Variants in POU4F1 observed in about 807,000 individuals in gnomAD.
POU4F1 encodes POU domain, class 4, transcription factor 1.
Under a neutral mutation model 19.8 loss-of-function variants are expected in POU4F1, and 5 were observed. The observed-to-expected ratio is 0.25, with a 90% CI of 0.13 to 0.53. The LOEUF (loss-of-function observed/expected upper bound fraction) is 0.53. Ranked by LOEUF, POU4F1 falls within the 20% of genes least tolerant of loss-of-function variation. The pLI is 0.96. For missense variants in POU4F1, 408 were observed against 511.6 expected, an observed-to-expected ratio of 0.80 and a Z score of 1.95; for synonymous variants, 266 against 247.7, an observed-to-expected ratio of 1.07 and a Z score of -0.69.
chr13:78,601,621 C>G lies in POU4F1; in HGVS notation c.1054G>C (p.Gly352Arg). 1 of 1,613,794 alleles carries G rather than the reference C, an allele frequency of 6.2e-7. No individual in the cohort carries two copies. The highest frequency in any genetic ancestry group is 8.5e-7 in the Non-Finnish European group (1 of 1,180,000). Residue 352 changes from glycine (G) to arginine (R), a missense_variant, in exon 2 of 2, where the codon GGC (glycine) becomes CGC (arginine). Around this residue, in one of 4 missense-constraint regions of POU4F1, gnomAD observed 39 missense variants for 36.8 expected, o/e 1.06. Transcript: ENST00000377208. ...GTCCGCTTGCGCTTCTTCTCGCCGCCGTTGAAGAGCTCAGGCTTGTTCATT... is the reference window on the plus strand; with the variant it reads ...GTCCGCTTGCGCTTCTTCTCGCCGCGGTTGAAGAGCTCAGGCTTGTTCATT... ...EKMNKPELFN[G>R]GEKKRKRTSI...
Position 78,601,379 on chromosome 13 carries a change from T to TC in POU4F1, c.*35dup. The TC allele has an allele frequency of 1.2e-6, 2 of 1,612,028 alleles. No individual in the cohort carries two copies. Among genetic ancestry groups the TC allele is most frequent in the South Asian group, 2.2e-5 (2 of 91,002 alleles). ...AGCCCCCCAAAAATGCCTCCTCAGCTCCCCATTCTGTCCCGCCCGACACCT... is the reference window on the plus strand; with the variant it reads ...AGCCCCCCAAAAATGCCTCCTCAGCTCCCCCATTCTGTCCCGCCCGACACCT... On this transcript the variant is annotated 3_prime_UTR_variant, in exon 2 of 2. Transcript: ENST00000377208.
Position 78,602,457 on chromosome 13 carries a change from C to T in POU4F1, c.218G>A (p.Ser73Asn). ...AVDIAVSQGK[S>N]HPFKPDATYH... The stretch of plus-strand genomic sequence containing the variant: ...CGTGGCGTCCGGCTTGAAAGGATGG[C>T]TCTTGCCCTGGGACACGGCGATGTC... Residue 73 changes from serine (S) to asparagine (N), a missense_variant, in exon 2 of 2, where the codon AGC becomes AAC. Ser to Asn is a conservative substitution (Grantham distance 46, BLOSUM62 1). Transcript: ENST00000377208. The T allele has an allele frequency of 6.2e-7, 1 of 1,601,522 alleles. No individual in the cohort carries two copies. Among genetic ancestry groups the T allele is most frequent in the South Asian group, 1.1e-5 (1 of 88,554 alleles).
At position 78,599,422 on chromosome 13, in the gene POU4F1, C is replaced by CT. The variant is rs923340602; in HGVS notation, c.*1992dup. The CT allele has an allele frequency of 6.6e-6, 1 of 152,546 alleles. No individual in the cohort carries two copies. Among genetic ancestry groups the CT allele is most frequent in the Non-Finnish European group, 1.5e-5 (1 of 68,014 alleles). 9.4% of individuals were successfully genotyped at this position (152,546 alleles called of 1,614,324 possible). A position where few individuals can be genotyped will look rare whatever the true frequency, so the allele number is the denominator to read the frequency against. Reference sequence around the variant, plus strand: ...CATTAAATAAAATATTTACAATAATCTTTTTTCCTTTTTCTTTGAATACAA... The same window carrying CT: ...CATTAAATAAAATATTTACAATAATCTTTTTTTCCTTTTTCTTTGAATACAA... On this transcript the variant is annotated 3_prime_UTR_variant, in exon 2 of 2. Coordinates refer to ENST00000377208, the MANE Select transcript of POU4F1 (RefSeq NM_006237.4).
At position 78,603,208 on chromosome 13, in the gene POU4F1, G is replaced by A. The variant is rs1377438959; in HGVS notation, c.119C>T (p.Pro40Leu). 1.3e-6 allele frequency: 2 copies of A among 1,541,222 alleles called. No individual in the cohort carries two copies. Among genetic ancestry groups the A allele is most frequent in the Non-Finnish European group, 8.7e-7 (1 of 1,145,130 alleles). ...CCGCGGGCGTGGGGCGCTTACCGGC[G>A]GCGTGGGCAGGCAGGCCCGCCGGAT... is the stretch of plus-strand genomic sequence containing the variant. ...EAIRRACLPTPPLQSNLFASL... is the reference protein window; with the variant it reads ...EAIRRACLPTLPLQSNLFASL... The change falls in exon 1 of 2, where the codon CCG (proline) becomes CTG (leucine). Residue 40 changes from proline to leucine, a missense_variant. Transcript: ENST00000377208.
At position 78,599,342 on chromosome 13, in the gene POU4F1, C is replaced by G. The variant is rs941990385; in HGVS notation, c.*2073G>C. 6.6e-6 allele frequency: 1 copy of G among 152,566 alleles called. No homozygotes were observed. The highest frequency in any genetic ancestry group is 1.5e-5 in the Non-Finnish European group (1 of 68,048). The allele number at this position is 152,566 out of a possible 1,614,324, so 9.5% of individuals were successfully genotyped here. ...ACATACATGGACAGGTAGATCAATC[C>G]GTGAGACATTTCAGGATGAACACTG... On this transcript the variant is annotated 3_prime_UTR_variant, in exon 2 of 2. Transcript: ENST00000377208.
At position 78,601,369 on chromosome 13, in the gene POU4F1, C is replaced by T; in HGVS notation, c.*46G>A. 1 of 1,608,662 alleles carries T rather than the reference C, an allele frequency of 6.2e-7. No individual in the cohort carries two copies. Among genetic ancestry groups the T allele is most frequent in the East Asian group, 2.2e-5 (1 of 44,780 alleles). On this transcript the variant is annotated 3_prime_UTR_variant, in exon 2 of 2. Coordinates refer to ENST00000377208, the MANE Select transcript of POU4F1 (RefSeq NM_006237.4). Reference sequence around the variant, plus strand: ...AGCAGAGGAAAGCCCCCCAAAAATGCCTCCTCAGCTCCCCATTCTGTCCCG... The same window carrying T: ...AGCAGAGGAAAGCCCCCCAAAAATGTCTCCTCAGCTCCCCATTCTGTCCCG...
At position 78,603,485 on chromosome 13, in the gene POU4F1, C is replaced by A; in HGVS notation, c.-159G>T. The A allele has an allele frequency of 1.7e-6, 2 of 1,178,412 alleles. No homozygotes were observed. Among genetic ancestry groups the A allele is most frequent in the South Asian group, 3.0e-5 (1 of 33,772 alleles). 73.0% of individuals were successfully genotyped at this position (1,178,412 alleles called of 1,614,324 possible). ...CTGCTGCTGCTGCTCCTGCTGCTGC[C>A]AGGCGCTCCCTCTGACCGCGCAGAG... On this transcript the variant is annotated 5_prime_UTR_variant, in exon 1 of 2. Transcript: ENST00000377208.
Position 78,601,204 on chromosome 13 carries a change from C to A in POU4F1, c.*211G>T. ...CTTCTCCCCTACCCTATACTCCAAT[C>A]CCCACACCCAGCACCCCAGTCCTCA... On this transcript the variant is annotated 3_prime_UTR_variant, in exon 2 of 2. Transcript: ENST00000377208. 1 of 459,178 alleles carries A rather than the reference C, an allele frequency of 2.2e-6. No individual in the cohort carries two copies. The highest frequency in any genetic ancestry group is 3.6e-6 in the Non-Finnish European group (1 of 278,826). The allele number at this position is 459,178 out of a possible 1,614,324, so 28.4% of individuals were successfully genotyped here.
chr13:78,600,250 A>G lies in POU4F1; in HGVS notation c.*1165T>C, dbSNP rs1359996686. 1.3e-5 allele frequency: 2 copies of G among 152,126 alleles called. No individual in the cohort carries two copies. Among genetic ancestry groups the G allele is most frequent in the East Asian group, 3.8e-4 (2 of 5,198 alleles). The allele number at this position is 152,126 out of a possible 1,614,324, so 9.4% of individuals were successfully genotyped here. A position where few individuals can be genotyped will look rare whatever the true frequency, so the allele number is the denominator to read the frequency against. ...AACAGGAGAGAGTATCTCTCCTAAT[A>G]ACTTTCACCCCATTAGTCTATTTGA... On this transcript the variant is annotated 3_prime_UTR_variant, in exon 2 of 2. Transcript: ENST00000377208.
Position 78,601,605 on chromosome 13 carries a change from C to T in POU4F1, c.1070G>A (p.Arg357His). ...GGGCGCGGCGATGGAAGTCCGCTTG[C>T]GCTTCTTCTCGCCGCCGTTGAAGAG... Reference protein sequence around the residue: ...PELFNGGEKKRKRTSIAAPEK... With the variant: ...PELFNGGEKKHKRTSIAAPEK... The change falls in exon 2 of 2, where the codon CGC becomes CAC. Residue 357 changes from arginine to histidine, a missense_variant. Transcript: ENST00000377208. 1 of 1,613,770 alleles carries T rather than the reference C, an allele frequency of 6.2e-7. No homozygotes were observed. The highest frequency in any genetic ancestry group is 8.5e-7 in the Non-Finnish European group (1 of 1,180,012).
At chr13:78,602,836 G>C (rs1874769573) in intron 1 of POU4F1, among the ~76,000 whole-genome samples, 1 of 152,022 alleles carries the variant, frequency 6.6e-6, no homozygotes, top group Non-Finnish European at 1.5e-5. Context: ...GGGCGTGGGA[G>C]ACGAAAAAGA....
At chr13:78,602,684 G>C in intron 1 of POU4F1, 133 bp from the exon 2 acceptor site, 1 of 1,042,882 alleles carries the variant, frequency 9.6e-7, no homozygotes, top group South Asian at 2.6e-5. Context: ...AAATAACAAC[G>C]GGTTTGGGGG....
At position 78,601,060 on chromosome 13, in the gene POU4F1, T is replaced by C; in HGVS notation, c.*355A>G. 3.2e-6 allele frequency: 1 copy of C among 311,852 alleles called. No individual in the cohort carries two copies. The highest frequency in any genetic ancestry group is 6.0e-6 in the Non-Finnish European group (1 of 166,962). 19.3% of individuals were successfully genotyped at this position (311,852 alleles called of 1,614,324 possible). On this transcript the variant is annotated 3_prime_UTR_variant, in exon 2 of 2. Transcript: ENST00000377208. ...TGTCTCTGGTCAGAAACAGTCCATT[T>C]TCCTACCCTTCCCGCGTCTCCCCCC...
At position 78,603,430 on chromosome 13, in the gene POU4F1, CGCGGCGGCTG is replaced by C. The variant is rs1483141664; in HGVS notation, c.-114_-105del. ...CTTCGGAGGCTGCAGCCGCGGCGGT[CGCGGCGGCTG>C]GCGGCGGCCCCGCCGCGGGCTGCTG... On this transcript the variant is annotated 5_prime_UTR_variant, in exon 1 of 2. Coordinates refer to ENST00000377208, the MANE Select transcript of POU4F1 (RefSeq NM_006237.4). 8 of 1,393,570 alleles carry C rather than the reference CGCGGCGGCTG, an allele frequency of 5.7e-6. No individual in the cohort carries two copies. The highest frequency in any genetic ancestry group is 6.5e-6 in the Non-Finnish European group (7 of 1,070,746). 86.3% of individuals were successfully genotyped at this position (1,393,570 alleles called of 1,614,324 possible). A position where few individuals can be genotyped will look rare whatever the true frequency, so the allele number is the denominator to read the frequency against.
At position 78,601,031 on chromosome 13, in the gene POU4F1, TAA is replaced by T. The variant is rs996769272; in HGVS notation, c.*382_*383del. 2.1e-4 allele frequency: 48 copies of T among 223,578 alleles called. No homozygotes were observed. The highest frequency in any genetic ancestry group is 1.3e-3 in the Admixed American group (26 of 19,512). The allele number at this position is 223,578 out of a possible 1,614,324, so 13.8% of individuals were successfully genotyped here. ...TTCCTTGGTCCCCAGGATATTTAGG[TAA>T]GTGTCTCTGGTCAGAAACAGTCCAT... is the stretch of plus-strand genomic sequence containing the variant. On this transcript the variant is annotated 3_prime_UTR_variant, in exon 2 of 2. Transcript: ENST00000377208.
At position 78,602,336 on chromosome 13, in the gene POU4F1, G is replaced by C. The variant is rs1436159457; in HGVS notation, c.339C>G (p.Pro113=). 1 of 1,443,604 alleles carries C rather than the reference G, an allele frequency of 6.9e-7. No individual in the cohort carries two copies. Among genetic ancestry groups the C allele is most frequent in the Non-Finnish European group, 9.1e-7 (1 of 1,094,772 alleles). 89.4% of individuals were successfully genotyped at this position (1,443,604 alleles called of 1,614,324 possible). A position where few individuals can be genotyped will look rare whatever the true frequency, so the allele number is the denominator to read the frequency against. The part of the protein sequence containing the change: ...HHHHHHQALE[P]GDLLDHISSP... Reference sequence around the variant, plus strand: ...AGGAGATGTGGTCCAGCAGATCGCCGGGTTCGAGCGCCTGGTGGTGGTGGT... The same window carrying C: ...AGGAGATGTGGTCCAGCAGATCGCCCGGTTCGAGCGCCTGGTGGTGGTGGT... Residue 113 remains proline, a synonymous_variant, in exon 2 of 2, where the codon CCC becomes CCG. Coordinates refer to ENST00000377208, the MANE Select transcript of POU4F1 (RefSeq NM_006237.4).
rs1874717348 is a variant in POU4F1, at chr13:78,601,982, T to TGCCGCTGCCGCGCCGTGGTGCGCCGCC, written c.666_692dup (p.His225_Ala233dup). 3.1e-6 allele frequency: 3 copies of TGCCGCTGCCGCGCCGTGGTGCGCCGCC among 967,138 alleles called. No individual in the cohort carries two copies. Among genetic ancestry groups the TGCCGCTGCCGCGCCGTGGTGCGCCGCC allele is most frequent in the Non-Finnish European group, 3.7e-6 (3 of 812,928 alleles). The allele number at this position is 967,138 out of a possible 1,614,324, so 59.9% of individuals were successfully genotyped here. A position where few individuals can be genotyped will look rare whatever the true frequency, so the allele number is the denominator to read the frequency against. On this transcript the variant is annotated inframe_insertion, in exon 2 of 2. Transcript: ENST00000377208. Reference sequence around the variant, plus strand: ...CCTGCCCGGCCGCCGCCGCCGCCGCTGCCGCTGCCGCGCCGTGGTGCGCCG... The same window carrying TGCCGCTGCCGCGCCGTGGTGCGCCGCC: ...CCTGCCCGGCCGCCGCCGCCGCCGCTGCCGCTGCCGCGCCGTGGTGCGCCGCCGCCGCTGCCGCGCCGTGGTGCGCCG...
In POU4F1 at chr13:78,598,415, G is replaced by A. The variant is rs1381285823; in HGVS notation, c.*3000C>T. The A allele has an allele frequency of 4.6e-5, 7 of 150,760 alleles. No individual in the cohort carries two copies. The highest frequency in any genetic ancestry group is 2.0e-4 in the Admixed American group (3 of 15,136). 9.3% of individuals were successfully genotyped at this position (150,760 alleles called of 1,614,324 possible). A position where few individuals can be genotyped will look rare whatever the true frequency, so the allele number is the denominator to read the frequency against. On this transcript the variant is annotated 3_prime_UTR_variant, in exon 2 of 2. Transcript: ENST00000377208. ...CTGATGATGTTTCAAGTCAATAACA[G>A]CAAAAACAAATCAACTTTTTATGGA...
In POU4F1 at chr13:78,601,009, C is replaced by T; in HGVS notation, c.*406G>A. The T allele has an allele frequency of 5.2e-6, 1 of 193,880 alleles. No homozygotes were observed. Among genetic ancestry groups the T allele is most frequent in the Non-Finnish European group, 1.1e-5 (1 of 93,736 alleles). 12.0% of individuals were successfully genotyped at this position (193,880 alleles called of 1,614,324 possible). A position where few individuals can be genotyped will look rare whatever the true frequency, so the allele number is the denominator to read the frequency against. ...GTAGGTTTGTTTTTGTACATAGTTC[C>T]TTGGTCCCCAGGATATTTAGGTAAG... On this transcript the variant is annotated 3_prime_UTR_variant, in exon 2 of 2. Coordinates refer to ENST00000377208, the MANE Select transcript of POU4F1 (RefSeq NM_006237.4).
Sources: allele counts gnomAD v4.1 joint callset (sites outside exome capture counted in the v4.1 genomes callset), GRCh38; gene constraint gnomAD v4.1.1; regional missense constraint gnomAD v4.1.1; transcripts MANE v1.5; gene names NCBI Gene and HGNC (gene_info 2026-07-23, HGNC 2026-07-21).